Variants in CABIN1 observed in about 807,000 individuals in gnomAD.
CABIN1 encodes the protein calcineurin binding protein 1.
A neutral mutation model predicts 227.7 loss-of-function variants in CABIN1; 133 were observed. That is an observed-to-expected ratio of 0.58 (90% CI 0.51 to 0.67). The LOEUF is 0.67. CABIN1 is among the 30% of genes least tolerant of loss of function. CABIN1 has a pLI of 0.00. For missense variants in CABIN1, 2,408 were observed against 2,852.5 expected (o/e 0.84, Z 3.55); for synonymous variants, 1,086 against 1,155.1 (o/e 0.94, Z 1.21).
intron 29 of CABIN1, among the ~76,000 whole-genome samples, chr22:24,160,660 G>A (rs918566333): frequency 6.6e-6 from 1 of 152,260 alleles, no homozygotes; most frequent in Admixed American, 6.5e-5. Context: ...GCTCCCCTGA[G>A]ACCACAGTGT....
At chr22:24,126,192 C>T (rs189835627) in intron 28 of CABIN1, among the ~76,000 whole-genome samples, 7 of 152,288 alleles carry the variant, frequency 4.6e-5, no homozygotes, top group South Asian at 4.1e-4. Context: ...GTGGTTGTCA[C>T]GCAGGAGGTT....
chr22:24,103,455 C>T (rs968041650), intron 26 of CABIN1: 2 of 152,210 alleles, frequency 1.3e-5, no homozygotes, highest in African/African-American at 4.8e-5. Context: ...CTTCAGCCCA[C>T]CAGGGCCAGG....
chr22:24,093,708 C>G (rs561125740), intron 24 of CABIN1, among the ~76,000 whole-genome samples: 9 of 151,670 alleles, frequency 5.9e-5, no homozygotes, highest in Non-Finnish European at 1.2e-4. Context: ...GAGACCCCCC[C>G]ATCTCTACAA....
chr22:24,085,108 G>T lies in CABIN1; in HGVS notation c.3220G>T (p.Ala1074Ser). The change falls in exon 22 of 37, where the codon GCC (alanine) becomes TCC (serine). Residue 1074 changes from alanine to serine, a missense_variant. Around this residue, in one of 3 missense-constraint regions of CABIN1, gnomAD observed 649 missense variants for 910.3 expected, o/e 0.71. Transcript: ENST00000263119. Reference protein sequence around the residue: ...YHFKNKEQSKAIKFYMHDICI... With the variant: ...YHFKNKEQSKSIKFYMHDICI... ...TTTCAAAAACAAGGAGCAGTCCAAG[G>T]CCATCAAGTTCTACATGCATGACAT... The T allele has an allele frequency of 6.2e-7, 1 of 1,614,182 alleles. No homozygotes were observed. The highest frequency in any genetic ancestry group is 1.1e-5 in the South Asian group (1 of 91,072).
At chr22:24,120,488 T>C (rs1017671088) in intron 28 of CABIN1, among the ~76,000 whole-genome samples, 1 of 152,190 alleles carries the variant, frequency 6.6e-6, no homozygotes, top group Admixed American at 6.5e-5. Flanking sequence ...GTCGTTGTCC[T>C]GCACCATGTA....
At chr22:24,088,098 C>T (rs774906075) in intron 23 of CABIN1, among the ~76,000 whole-genome samples, 5 of 152,166 alleles carry the variant, frequency 3.3e-5, no homozygotes, top group African/African-American at 4.8e-5. Flanking sequence ...TTTGAAGTCT[C>T]TCTTGGTAGG....
intron 19 of CABIN1, 35 bp from the exon 20 acceptor site, chr22:24,083,193 C>T: frequency 6.2e-7 from 1 of 1,607,480 alleles, no homozygotes; most frequent in Non-Finnish European, 8.5e-7. Flanking sequence ...TGGCTACAGG[C>T]CCTCACCTCA....
intron 5 of CABIN1, 137 bp downstream of exon 5, chr22:24,041,410 T>A: frequency 9.3e-7 from 1 of 1,073,212 alleles, no homozygotes; most frequent in Non-Finnish European, 1.4e-6. Flanking sequence ...GGCTCTAGGG[T>A]AGGTCCATAG....
intron 15 of CABIN1, 27 bp downstream of exon 15, chr22:24,064,214 T>G: frequency 6.2e-7 from 1 of 1,613,586 alleles, no homozygotes; most frequent in Non-Finnish European, 8.5e-7. Flanking sequence ...GTTTGTTTGT[T>G]TGTTTCCTGA....
chr22:24,149,269 T>A (rs1414887042), intron 29 of CABIN1, among the ~76,000 whole-genome samples: 3 of 152,220 alleles, frequency 2.0e-5, no homozygotes, highest in African/African-American at 7.2e-5. Context: ...TTGAGCAAGC[T>A]GGTCAGTGTT....
chr22:24,132,216 A>T (rs2044119610), intron 28 of CABIN1, among the ~76,000 whole-genome samples: 1 of 152,202 alleles, frequency 6.6e-6, no homozygotes, highest in African/African-American at 2.4e-5. Flanking sequence ...ATGGCTGAGC[A>T]CTGATGCAGG....
intron 26 of CABIN1, among the ~76,000 whole-genome samples, chr22:24,099,093 T>C (rs552616617): frequency 1.3e-5 from 2 of 152,170 alleles, no homozygotes; most frequent in African/African-American, 4.8e-5. Flanking sequence ...ATGGGCACTC[T>C]AGGGCACCAT....
intron 16 of CABIN1, 128 bp downstream of exon 16, chr22:24,067,309 C>A: frequency 1.0e-6 from 1 of 956,782 alleles, no homozygotes; most frequent in Non-Finnish European, 1.6e-6. Context: ...GTCAAAACCA[C>A]TAAGCCCCCA....
intron 34 of CABIN1, 24 bp downstream of exon 34, chr22:24,172,019 C>T (rs1308428831): frequency 6.2e-7 from 1 of 1,601,396 alleles, no homozygotes; most frequent in Non-Finnish European, 8.5e-7. Context: ...CAGTCCAGAG[C>T]TGGGCCCAGG....
chr22:24,078,173 C>A (rs1180615680), intron 19 of CABIN1, among the ~76,000 whole-genome samples: 1 of 152,134 alleles, frequency 6.6e-6, no homozygotes, highest in Non-Finnish European at 1.5e-5. Flanking sequence ...TGGGGACCCC[C>A]ACCATTTGTT....
intron 1 of CABIN1, among the ~76,000 whole-genome samples, chr22:24,031,647 A>G (rs565919399): frequency 6.6e-6 from 1 of 152,214 alleles, no homozygotes; most frequent in Non-Finnish European, 1.5e-5. Context: ...GCTCAGTGGG[A>G]TTAGAGGTGT....
At chr22:24,143,661 A>G (rs1287451448) in intron 29 of CABIN1, among the ~76,000 whole-genome samples, 1 of 152,166 alleles carries the variant, frequency 6.6e-6, no homozygotes, top group Admixed American at 6.5e-5. Context: ...CCATAGTAGC[A>G]GTGGCAGGAC....
chr22:24,050,299 G>C (rs1014275278), intron 7 of CABIN1, among the ~76,000 whole-genome samples: 1 of 152,190 alleles, frequency 6.6e-6, no homozygotes, highest in African/African-American at 2.4e-5. Context: ...GTGTAACCCT[G>C]CTGGGAAGCA....
At chr22:24,066,001 AG>A (rs1205048645) in intron 15 of CABIN1, among the ~76,000 whole-genome samples, 2 of 152,184 alleles carry the variant, frequency 1.3e-5, no homozygotes, top group African/African-American at 4.8e-5. Flanking sequence ...GTGGAAAGAG[AG>A]GGAGAGAGAG....
Sources: gnomAD v4.1 joint callset for allele counts (sites outside exome capture counted in the v4.1 genomes callset) on GRCh38, gnomAD v4.1.1 for gene constraint, gnomAD v4.1.1 regional missense constraint, MANE v1.5 for transcripts, NCBI Gene and HGNC (gene_info 2026-07-23, HGNC 2026-07-21) for gene names.